PRKN: variants seen among roughly 807,000 people sequenced by gnomAD.
The protein encoded by PRKN is E3 ubiquitin-protein ligase parkin.
Under a neutral mutation model 59.5 loss-of-function variants are expected in PRKN, and 56 were observed. The ratio of observed to expected loss-of-function variants is 0.94; its 90% CI spans 0.76 to 1.18. The LOEUF is 1.18. PRKN is among the 50% of genes most tolerant of loss of function. PRKN has a pLI of 0.00. For missense variants in PRKN, 657 were observed against 596.4 expected, an observed-to-expected ratio of 1.10 and a Z score of -1.06; for synonymous variants, 250 against 222.1, an observed-to-expected ratio of 1.13 and a Z score of -1.12.
At chr6:161,691,794 C>A (rs1446586895) in intron 7 of PRKN, among the ~76,000 whole-genome samples, 1 of 152,200 alleles carries the variant, frequency 6.6e-6, no homozygotes, top group African/African-American at 2.4e-5. Flanking sequence ...GCTCTTTCAT[C>A]CACAGCAGAC....
Position 161,552,783 on chromosome 6 carries a change from T to TGTC in PRKN, c.934-3781_934-3780insGAC, listed in dbSNP as rs1470503592. ...TTCCTAAAAGACACCATGGTTTTGT[T>TGTC]GTTGTTTTTGTTTTTTGTTTTTTTT... On this transcript the variant is annotated intron_variant, in intron 8 of 11. Transcript: ENST00000366898. The surrounding 1 kb of genome is among the most constrained non-coding windows in gnomAD (Gnocchi z 4.9). 8.4e-6 allele frequency among the ~76,000 whole-genome samples: 1 copy of TGTC among 119,528 alleles called. No homozygotes were observed. Among genetic ancestry groups the TGTC allele is most frequent in the Non-Finnish European group, 1.9e-5 (1 of 51,704 alleles). 78.4% of individuals were successfully genotyped at this position (119,528 alleles called of 152,430 possible).
chr6:162,325,049 A>G lies in PRKN; in HGVS notation c.172-62284T>C, dbSNP rs190357889. On this transcript the variant is annotated intron_variant, in intron 2 of 11. Coordinates refer to ENST00000366898, the MANE Select transcript of PRKN (RefSeq NM_004562.3). ...GCAGAACGAGGATATTTTAATTTGG[A>G]AAAAAAAATCCATAAATACACAAGT... 4.4e-3 allele frequency among the ~76,000 whole-genome samples: 673 copies of G among 151,790 alleles called. 11 individuals carry two copies. Among genetic ancestry groups the G allele is most frequent in the Admixed American group, 0.035 (537 of 15,224 alleles).
intron 9 of PRKN, among the ~76,000 whole-genome samples, chr6:161,496,197 T>C (rs1292976475): frequency 6.6e-6 from 1 of 152,228 alleles, no homozygotes; most frequent in Non-Finnish European, 1.5e-5. Context: ...AGCATCAGAA[T>C]GACAGTGCAC....
At chr6:161,826,999 C>T (rs1470699959) in intron 6 of PRKN, among the ~76,000 whole-genome samples, 1 of 152,208 alleles carries the variant, frequency 6.6e-6, no homozygotes, top group African/African-American at 2.4e-5. Flanking sequence ...ACCTGCTCTT[C>T]ACAATGGGGA....
At chr6:162,533,705 A>G (rs1345417408) in intron 1 of PRKN, among the ~76,000 whole-genome samples, 1 of 151,604 alleles carries the variant, frequency 6.6e-6, no homozygotes, top group Non-Finnish European at 1.5e-5. Context: ...TATGCCGAGC[A>G]CACACCTGTA....
chr6:162,245,355 T>C (rs1027950660), intron 3 of PRKN, among the ~76,000 whole-genome samples: 2 of 152,096 alleles, frequency 1.3e-5, no homozygotes, highest in African/African-American at 4.8e-5. Flanking sequence ...AACATCTCTT[T>C]ATTAAATTGC....
chr6:162,595,946 C>G (rs1265141966), intron 1 of PRKN, among the ~76,000 whole-genome samples: 1 of 151,908 alleles, frequency 6.6e-6, no homozygotes, highest in Admixed American at 6.6e-5. Context: ...ATACTTTTAA[C>G]TTAATCCAAA....
Position 161,518,723 on chromosome 6 carries a change from T to A in PRKN, c.1083+30131A>T. Among the ~76,000 whole-genome samples, 1 of 152,244 alleles carries A rather than the reference T, an allele frequency of 6.6e-6. No individual in the cohort carries two copies. The highest frequency in any genetic ancestry group is 1.9e-4 in the East Asian group (1 of 5,196). On this transcript the variant is annotated intron_variant, in intron 9 of 11. Transcript: ENST00000366898. The surrounding 1 kb of genome is among the most constrained non-coding windows in gnomAD (Gnocchi z 5.0). ...AGTTTCCACACATCCTCCTGCCTGCTGCAGAGGGCCGGCGGTGTGCCTTGA... is the reference window on the plus strand; with the variant it reads ...AGTTTCCACACATCCTCCTGCCTGCAGCAGAGGGCCGGCGGTGTGCCTTGA...
At chr6:161,553,729 T>C (rs758992357) in intron 8 of PRKN, among the ~76,000 whole-genome samples, 1 of 152,226 alleles carries the variant, frequency 6.6e-6, no homozygotes, top group African/African-American at 2.4e-5. Flanking sequence ...TGAACATTTA[T>C]AAACTCATAA....
At chr6:161,762,571 G>GT (rs1789247175) in intron 7 of PRKN, among the ~76,000 whole-genome samples, 1 of 152,100 alleles carries the variant, frequency 6.6e-6, no homozygotes, top group Admixed American at 6.5e-5. Context: ...TATTTACATT[G>GT]TTTTGTAATC....
Position 161,824,045 on chromosome 6 carries a change from G to C in PRKN, c.735-38137C>G, listed in dbSNP as rs150697074. ...CTGCCATTTAGTGAGATGTGGTATG[G>C]AGTTTACAGTTATTCCTTCACTGAA... On this transcript the variant is annotated intron_variant, in intron 6 of 11. Transcript: ENST00000366898. Among the ~76,000 whole-genome samples, 12 of 152,274 alleles carry C rather than the reference G, an allele frequency of 7.9e-5. No individual in the cohort carries two copies. In the East Asian group the frequency reaches 2.3e-3, roughly 29 times the overall value.
chr6:161,976,859 C>T (rs1241629295), intron 5 of PRKN, among the ~76,000 whole-genome samples: 15 of 152,186 alleles, frequency 9.9e-5, no homozygotes, highest in Non-Finnish European at 2.1e-4. Flanking sequence ...CAGAAAGCTG[C>T]AGTGGACATT....
chr6:161,425,034 C>T (rs1788267519), intron 9 of PRKN, among the ~76,000 whole-genome samples: 1 of 152,128 alleles, frequency 6.6e-6, no homozygotes, highest in South Asian at 2.1e-4. Context: ...CTACAGGTGT[C>T]TTCTGTTTCT....
In PRKN at chr6:162,056,080, TCCCACACACCTCACACAC is replaced by T. The variant is rs561985815; in HGVS notation, c.535-1924_535-1907del. ...CCACATACATACACGTGCACACACA[TCCCACACACCTCACACAC>T]CCCACACACATATACCCACATGCAT... On this transcript the variant is annotated intron_variant, in intron 4 of 11. Transcript: ENST00000366898. The surrounding 1 kb of genome is among the most constrained non-coding windows in gnomAD (Gnocchi z 4.9). 3.6e-5 allele frequency among the ~76,000 whole-genome samples: 5 copies of T among 139,128 alleles called. No homozygotes were observed. The South Asian group carries it at 1.2e-3, about 32-fold the overall frequency. 91.3% of individuals were successfully genotyped at this position (139,128 alleles called of 152,430 possible).
intron 1 of PRKN, among the ~76,000 whole-genome samples, chr6:162,634,711 C>T (rs796252573): frequency 1.2e-4 from 18 of 152,274 alleles, no homozygotes; most frequent in African/African-American, 4.1e-4. Context: ...GCAACCTCCG[C>T]CTCCCAGGTT....
At chr6:162,458,196 C>T (rs1291987284) in intron 1 of PRKN, among the ~76,000 whole-genome samples, 2 of 130,626 alleles carry the variant, frequency 1.5e-5, no homozygotes, top group African/African-American at 5.4e-5. Context: ...GTAGAGGTTG[C>T]AGTGAGCCAA....
intron 5 of PRKN, among the ~76,000 whole-genome samples, chr6:162,009,562 T>A (rs1782398986): frequency 6.6e-6 from 1 of 151,794 alleles, no homozygotes; most frequent in Non-Finnish European, 1.5e-5. Flanking sequence ...AAACACAGAC[T>A]CGGAGGTTTT....
At chr6:161,900,514 A>G (rs12192115) in intron 6 of PRKN, among the ~76,000 whole-genome samples, 24,588 of 135,728 alleles carry the variant, frequency 0.18, 2,771 homozygotes, top group Non-Finnish European at 0.25. Context: ...TATATATTAT[A>G]TATACAACAT....
intron 6 of PRKN, among the ~76,000 whole-genome samples, chr6:161,922,743 T>A (rs1778831412): frequency 1.3e-5 from 2 of 152,142 alleles, no homozygotes; most frequent in Non-Finnish European, 2.9e-5. Flanking sequence ...ATACAGGCAA[T>A]GATTACAGGA....
Sources: allele counts gnomAD v4.1 joint callset (sites outside exome capture counted in the v4.1 genomes callset), GRCh38; gene constraint gnomAD v4.1.1; non-coding constraint Gnocchi (gnomAD v3.1); transcripts MANE v1.5; gene names NCBI Gene and HGNC (gene_info 2026-07-23, HGNC 2026-07-21).